Variants in FAM20C observed in about 807,000 individuals in gnomAD.
FAM20C encodes the protein FAM20C golgi associated secretory pathway kinase.
In FAM20C, 40 loss-of-function variants were observed where a neutral mutation model predicts 51.5. That is an observed-to-expected ratio of 0.78 (90% CI 0.60 to 1.01). The LOEUF is 1.01. Ranked by LOEUF, FAM20C falls within the 50% of genes least tolerant of loss-of-function variation. The probability of loss-of-function intolerance (pLI) is 0.00; values close to 1 mark genes in which losing one functional copy is unlikely to be tolerated. For synonymous variants in FAM20C, 406 were observed against 380.6 expected, an observed-to-expected ratio of 1.07 and a Z score of -0.78; for missense variants, 861 against 844.7, an observed-to-expected ratio of 1.02 and a Z score of -0.24.
Position 258,655 on chromosome 7 carries a change from G to A in FAM20C, c.1455G>A (p.Lys485=), listed in dbSNP as rs369693625. ...IHLDNGRGFG[K]YSHDELSILV... is the part of the protein sequence containing the mutation. ...GCTTTTCTTCTGGAAGGTTTGGGAA[G>A]TATTCGCACGACGAGCTCTCCATCC... Residue 485 remains lysine (K), a synonymous_variant, in exon 9 of 10, where the codon AAG becomes AAA. Coordinates refer to ENST00000313766, the MANE Select transcript of FAM20C (RefSeq NM_020223.4). 358 of 1,536,788 alleles carry A rather than the reference G, an allele frequency of 2.3e-4. 1 individual carries two copies. In the African/African-American group the frequency reaches 4.2e-3, roughly 18 times the overall value.
chr7:202,864 G>T (rs1201981269), intron 2 of FAM20C, among the ~76,000 whole-genome samples: 2 of 152,258 alleles, frequency 1.3e-5, no homozygotes, highest in Non-Finnish European at 2.9e-5. Context: ...GTGGCCATTA[G>T]AGCAGTGCAG....
intron 3 of FAM20C, among the ~76,000 whole-genome samples, chr7:218,640 G>A (rs1032139114): frequency 2.6e-5 from 4 of 152,242 alleles, no homozygotes; most frequent in Non-Finnish European, 4.4e-5. Flanking sequence ...TGTCCACCAC[G>A]TGGCCCAGCC....
chr7:217,060 C>T (rs1015306225), intron 3 of FAM20C, among the ~76,000 whole-genome samples: 2 of 152,122 alleles, frequency 1.3e-5, no homozygotes. Context: ...GGCACAGCTC[C>T]GGGGCCACAG....
At chr7:258,837 G>T in intron 9 of FAM20C, 132 bp downstream of exon 9, 1 of 943,652 alleles carries the variant, frequency 1.1e-6, no homozygotes, top group Non-Finnish European at 1.5e-6. Context: ...TTCAACCACA[G>T]CCCTGAATTC....
intron 3 of FAM20C, among the ~76,000 whole-genome samples, chr7:226,118 G>T (rs1787435754): frequency 6.6e-6 from 1 of 152,166 alleles, no homozygotes; most frequent in Non-Finnish European, 1.5e-5. Context: ...ACCTGCTAGG[G>T]TGTGTGGCCT....
At chr7:244,907 C>T (rs968122934) in intron 3 of FAM20C, among the ~76,000 whole-genome samples, 1 of 152,126 alleles carries the variant, frequency 6.6e-6, no homozygotes, top group African/African-American at 2.4e-5. Flanking sequence ...CCATAAGAAA[C>T]GTTCCGGGAA....
chr7:217,630 G>A (rs1384145982), intron 3 of FAM20C, among the ~76,000 whole-genome samples: 1 of 152,166 alleles, frequency 6.6e-6, no homozygotes, highest in East Asian at 1.9e-4. Flanking sequence ...CGGCTTCTGA[G>A]GCCTTTCTCG....
intron 3 of FAM20C, among the ~76,000 whole-genome samples, chr7:220,357 C>A (rs1473497854): frequency 1.3e-5 from 2 of 152,208 alleles, no homozygotes; most frequent in Admixed American, 6.5e-5. Context: ...CCTGCTGTGG[C>A]TGGGGATGCT....
intron 5 of FAM20C, among the ~76,000 whole-genome samples, chr7:255,446 G>A (rs746165649): frequency 5.4e-4 from 82 of 152,204 alleles, no homozygotes; most frequent in Non-Finnish European, 9.7e-4. Flanking sequence ...ATTGAGTGAT[G>A]AGAGTTCTTC....
intron 3 of FAM20C, among the ~76,000 whole-genome samples, chr7:214,686 G>C (rs192327489): frequency 6.6e-6 from 1 of 152,204 alleles, no homozygotes; most frequent in Non-Finnish European, 1.5e-5. Context: ...GGTCTCAGGC[G>C]CTTGCAGGGC....
At chr7:194,369 G>C (rs7779241) in intron 1 of FAM20C, among the ~76,000 whole-genome samples, 10,340 of 152,066 alleles carry the variant, frequency 0.068, 628 homozygotes, top group African/African-American at 0.16. Context: ...AGAAGCCACG[G>C]CAGGAACCTC....
chr7:256,448 T>G (rs1446797180), intron 6 of FAM20C: 14 of 593,836 alleles, frequency 2.4e-5, no homozygotes, highest in Non-Finnish European at 3.6e-5. Context: ...CAGCTCCAGG[T>G]GGGGTCACCC....
intron 3 of FAM20C, among the ~76,000 whole-genome samples, chr7:230,187 G>A (rs1265206101): frequency 6.6e-6 from 1 of 152,146 alleles, no homozygotes; most frequent in Non-Finnish European, 1.5e-5. Context: ...ATAAGAGGGA[G>A]GTGGAGGGAG....
intron 3 of FAM20C, among the ~76,000 whole-genome samples, chr7:241,313 C>T (rs1414736705): frequency 2.6e-5 from 4 of 152,148 alleles, no homozygotes; most frequent in South Asian, 2.1e-4. Flanking sequence ...AGATGGGAGC[C>T]GCCAGATGGG....
At chr7:234,060 G>T in intron 3 of FAM20C, among the ~76,000 whole-genome samples, 1 of 152,338 alleles carries the variant, frequency 6.6e-6, no homozygotes, top group Non-Finnish European at 1.5e-5. Context: ...GCCCCCCTGG[G>T]GGCTGCCTTC....
rs146417084 is a variant in FAM20C at position 231,166 on chromosome 7, G to A, written c.864-15249G>A. On this transcript the variant is annotated intron_variant, in intron 3 of 9. Transcript: ENST00000313766. ...AAGCATCAGGAAGGCTGGCGTGGCCGACCCCAACCATCATGCAGACGGGAG... is the reference window on the plus strand; with the variant it reads ...AAGCATCAGGAAGGCTGGCGTGGCCAACCCCAACCATCATGCAGACGGGAG... 7.0e-4 allele frequency among the ~76,000 whole-genome samples: 107 copies of A among 152,272 alleles called. 1 individual carries two copies. The East Asian group carries it at 0.018, about 26-fold the overall frequency.
At position 236,097 on chromosome 7, in the gene FAM20C, C is replaced by T. The variant is rs909081748; in HGVS notation, c.864-10318C>T. The stretch of plus-strand genomic sequence containing the variant: ...GCCAGGTGACCGCTTCGGCCGAGTT[C>T]GTCCCCTTCCGTGCAGAGGGTTCAG... On this transcript the variant is annotated intron_variant, in intron 3 of 9. Coordinates refer to ENST00000313766, the MANE Select transcript of FAM20C (RefSeq NM_020223.4). 1.4e-3 allele frequency among the ~76,000 whole-genome samples: 210 copies of T among 152,220 alleles called. 3 individuals are homozygous for T. The highest frequency in any genetic ancestry group is 4.7e-3 in the African/African-American group (195 of 41,478).
intron 6 of FAM20C, chr7:256,291 G>T: frequency 1.7e-6 from 1 of 591,148 alleles, no homozygotes; most frequent in Non-Finnish European, 3.0e-6. Context: ...CAGCGTTTGA[G>T]CTCTGCTCTC....
At chr7:245,591 T>TGCTTACAC (rs533545030) in intron 3 of FAM20C, among the ~76,000 whole-genome samples, 4 of 152,166 alleles carry the variant, frequency 2.6e-5, no homozygotes, top group Non-Finnish European at 5.9e-5. Context: ...GGAGGAAGCA[T>TGCTTACAC]GCTTACACGC....
Sources: allele counts gnomAD v4.1 joint callset (sites outside exome capture counted in the v4.1 genomes callset), GRCh38; gene constraint gnomAD v4.1.1; transcripts MANE v1.5; gene names NCBI Gene and HGNC (gene_info 2026-07-23, HGNC 2026-07-21).